Variants in KLF13 observed in about 807,000 individuals in gnomAD.
The protein encoded by KLF13 is KLF transcription factor 13.
KLF13 carries 8 observed loss-of-function variants against 16.7 expected under a neutral mutation model. The observed-to-expected ratio is 0.48, with a 90% confidence interval of 0.28 to 0.87. KLF13 has a LOEUF of 0.87. Among genes scored for constraint, KLF13 ranks in the 40% least tolerant of loss-of-function variants. The pLI is 0.10. For synonymous variants in KLF13, 245 were observed against 208.4 expected (o/e 1.18, Z -1.51); for missense variants, 447 against 452.2 (o/e 0.99, Z 0.10).
At position 31,420,687 on chromosome 15, in the gene KLF13, T is replaced by C. The variant is rs541284504; in HGVS notation, n.118-14683T>C. The stretch of plus-strand genomic sequence containing the variant: ...CCAGGCTGCCCAGACTGTCCTTTTT[T>C]TTTCTTTCTTTTTTTTTTTTTTTGA... On this transcript the variant is annotated intron_variant and non_coding_transcript_variant, in intron 1 of 1. Coordinates refer to the KLF13 transcript ENST00000558225. 5.7e-4 allele frequency: 189 copies of C among 329,604 alleles called. 2 individuals are homozygous for C. The highest frequency in any genetic ancestry group is 3.3e-3 in the African/African-American group (149 of 45,332). The allele number at this position is 329,604 out of a possible 1,614,324, so 20.4% of individuals were successfully genotyped here.
chr15:31,358,956 C>T (rs1460708300), intron 1 of KLF13, among the ~76,000 whole-genome samples: 1 of 152,206 alleles, frequency 6.6e-6, no homozygotes, highest in Non-Finnish European at 1.5e-5. Context: ...ACATGCGTCA[C>T]CCTACCGTGC....
At chr15:31,427,206 C>G (rs2040410033) in intron 1 of KLF13, among the ~76,000 whole-genome samples, 2 of 152,120 alleles carry the variant, frequency 1.3e-5, no homozygotes, top group Non-Finnish European at 2.9e-5. Flanking sequence ...CCATCCATCT[C>G]TCACTGGTTT....
chr15:31,413,185 G>GAAAAAAAAAAAAAAA (rs1243053850), intron 1 of KLF13, among the ~76,000 whole-genome samples: 1 of 32,956 alleles, frequency 3.0e-5, no homozygotes, highest in Non-Finnish European at 6.5e-5. Flanking sequence ...AAAATGAATA[G>GAAAAAAAAAAAAAAA]ACAAAAAAAA....
intron 1 of KLF13, chr15:31,420,201 G>A: frequency 1.7e-6 from 1 of 604,522 alleles, no homozygotes; most frequent in Admixed American, 1.9e-5. Flanking sequence ...CTGAGTGGGG[G>A]TGCTGCCCAG....
chr15:31,420,125 CA>C, intron 1 of KLF13: 1 of 404,470 alleles, frequency 2.5e-6, no homozygotes. Flanking sequence ...AGAAGGCAGC[CA>C]AGTGGTCTCC....
At chr15:31,402,495 A>G (rs1383948641) in intron 2 of KLF13, among the ~76,000 whole-genome samples, 1 of 152,210 alleles carries the variant, frequency 6.6e-6, no homozygotes, top group African/African-American at 2.4e-5. Flanking sequence ...GAAACATGTG[A>G]TGGCTCAATG....
At chr15:31,405,671 G>C (rs1466205107), downstream of KLF13, among the ~76,000 whole-genome samples, 5 of 152,116 alleles carry the variant, frequency 3.3e-5, no homozygotes, top group Admixed American at 3.3e-4. Flanking sequence ...CTCTGGTGAG[G>C]GCTGCCAGGT....
intron 1 of KLF13, among the ~76,000 whole-genome samples, chr15:31,383,565 A>G (rs1344795106): frequency 3.3e-5 from 5 of 152,226 alleles, no homozygotes; most frequent in Non-Finnish European, 7.3e-5. Context: ...AATGCAGCGA[A>G]TGTCACATAA....
chr15:31,420,382 C>A, intron 1 of KLF13: 1 of 1,144,338 alleles, frequency 8.7e-7, no homozygotes, highest in African/African-American at 1.5e-5. Context: ...TGCTAGAGTT[C>A]CCCAGTGGCT....
chr15:31,400,635 T>A (rs1179057562), intron 2 of KLF13, among the ~76,000 whole-genome samples: 1 of 151,934 alleles, frequency 6.6e-6, no homozygotes, highest in Non-Finnish European at 1.5e-5. Flanking sequence ...GCCTTGGGGC[T>A]TCTAGCAGAG....
chr15:31,378,457 C>T (rs748861068), downstream of KLF13, among the ~76,000 whole-genome samples: 7 of 152,130 alleles, frequency 4.6e-5, no homozygotes, highest in Non-Finnish European at 7.4e-5. Context: ...ATAGCAGAGC[C>T]CGTTTAAGTC....
chr15:31,369,639 C>T (rs2039526741), intron 1 of KLF13, among the ~76,000 whole-genome samples: 1 of 152,188 alleles, frequency 6.6e-6, no homozygotes, highest in Non-Finnish European at 1.5e-5. Context: ...ACTCACTTTC[C>T]TCCTGGAATT....
intron 1 of KLF13, among the ~76,000 whole-genome samples, chr15:31,413,427 C>T (rs1308883532): frequency 6.6e-6 from 1 of 152,124 alleles, no homozygotes; most frequent in East Asian, 1.9e-4. Context: ...ACAAAAACAT[C>T]ATGGTGAAAA....
In KLF13 at chr15:31,372,505, A is replaced by ACACC. The variant is rs2039571426; in HGVS notation, c.*210_*213dup. ...CCACCCACCAAATTGCACAATAGAT[A>ACACC]CACCCACAAAGTTGAGATTCAGCGT... On this transcript the variant is annotated 3_prime_UTR_variant, in exon 2 of 2. Transcript: ENST00000307145. 9 of 566,720 alleles carry ACACC rather than the reference A, an allele frequency of 1.6e-5. No individual in the cohort carries two copies. In the East Asian group the frequency reaches 2.8e-4, roughly 18 times the overall value. The allele number at this position is 566,720 out of a possible 1,614,324, so 35.1% of individuals were successfully genotyped here. A position where few individuals can be genotyped will look rare whatever the true frequency, so the allele number is the denominator to read the frequency against.
At chr15:31,361,007 C>T (rs1387283868) in intron 1 of KLF13, among the ~76,000 whole-genome samples, 1 of 152,212 alleles carries the variant, frequency 6.6e-6, no homozygotes, top group Non-Finnish European at 1.5e-5. Context: ...GCGCTGGGCC[C>T]TTCCAGGGAA....
intron 1 of KLF13, among the ~76,000 whole-genome samples, chr15:31,360,529 A>G (rs2039366554): frequency 6.6e-6 from 1 of 152,160 alleles, no homozygotes; most frequent in Non-Finnish European, 1.5e-5. Context: ...CCCAAAGGGT[A>G]GGGGTAACTT....
chr15:31,394,294 G>A (rs1295623463), intron 2 of KLF13, among the ~76,000 whole-genome samples: 2 of 151,916 alleles, frequency 1.3e-5, no homozygotes, highest in African/African-American at 4.8e-5. Flanking sequence ...GGCTAACACG[G>A]TGAAACCCCG....
At chr15:31,338,434 A>T (rs1405307715) in intron 1 of KLF13, among the ~76,000 whole-genome samples, 1 of 152,194 alleles carries the variant, frequency 6.6e-6, no homozygotes, top group Non-Finnish European at 1.5e-5. Context: ...ACTGGAAGTA[A>T]CCCAGTCTTG....
At chr15:31,364,727 T>C (rs1272301866) in intron 1 of KLF13, among the ~76,000 whole-genome samples, 3 of 152,242 alleles carry the variant, frequency 2.0e-5, no homozygotes, top group African/African-American at 4.8e-5. Context: ...GCCAGCTGAA[T>C]GACAGCTCAC....
Sources: allele counts gnomAD v4.1 joint callset (sites outside exome capture counted in the v4.1 genomes callset), GRCh38; gene constraint gnomAD v4.1.1; transcripts MANE v1.5; gene names NCBI Gene and HGNC (gene_info 2026-07-23, HGNC 2026-07-21).